The following CAP2 variants were observed in gnomAD, a reference collection of about 807,000 sequenced individuals.
The protein encoded by CAP2 is cyclase associated actin cytoskeleton regulatory protein 2.
CAP2 carries 24 observed loss-of-function variants against 57.7 expected under a neutral mutation model. The ratio of observed to expected loss-of-function variants is 0.42; its 90% CI spans 0.30 to 0.58. The LOEUF (loss-of-function observed/expected upper bound fraction) is 0.58, where lower values mean the gene tolerates loss of function less well. Ranked by LOEUF, CAP2 falls within the 20% of genes least tolerant of loss-of-function variation. CAP2 has a pLI of 0.22. For synonymous variants in CAP2, 194 were observed against 207.2 expected, an observed-to-expected ratio of 0.94 and a Z score of 0.55; for missense variants, 501 against 590.3, an observed-to-expected ratio of 0.85 and a Z score of 1.57.
At chr6:17,540,006 C>T (rs984582015) in intron 8 of CAP2, among the ~76,000 whole-genome samples, 1 of 152,158 alleles carries the variant, frequency 6.6e-6, no homozygotes, top group African/African-American at 2.4e-5. Flanking sequence ...CGCTTGAGCC[C>T]AGGAGGTGGG....
chr6:17,536,136 T>A, intron 7 of CAP2: 2 of 452,714 alleles, frequency 4.4e-6, no homozygotes. Context: ...TCTCTGTTTT[T>A]TCTTGGGACA....
intron 1 of CAP2, among the ~76,000 whole-genome samples, chr6:17,403,393 G>T (rs1269739210): frequency 1.3e-5 from 2 of 152,238 alleles, no homozygotes; most frequent in Non-Finnish European, 2.9e-5. Context: ...GTGAGCCACA[G>T]CGCCCAGCCA....
At chr6:17,417,274 ATTTT>A (rs34818674) in intron 1 of CAP2, among the ~76,000 whole-genome samples, 1 of 137,236 alleles carries the variant, frequency 7.3e-6, no homozygotes, top group Non-Finnish European at 1.6e-5. Flanking sequence ...TTTAAAACTG[ATTTT>A]TTTTTTTTTT....
At chr6:17,524,782 C>T (rs894152306) in intron 7 of CAP2, among the ~76,000 whole-genome samples, 9 of 152,032 alleles carry the variant, frequency 5.9e-5, no homozygotes, top group South Asian at 2.1e-4. Flanking sequence ...CCCATTGCAG[C>T]GAGTCTTCAG....
chr6:17,394,280 A>G (rs1202162442), intron 1 of CAP2, among the ~76,000 whole-genome samples: 1 of 151,896 alleles, frequency 6.6e-6, no homozygotes, highest in Non-Finnish European at 1.5e-5. Flanking sequence ...GCGATGAGTC[A>G]CTTCTAAAAA....
At chr6:17,398,848 C>A (rs1758737416) in intron 1 of CAP2, among the ~76,000 whole-genome samples, 1 of 152,070 alleles carries the variant, frequency 6.6e-6, no homozygotes, top group Non-Finnish European at 1.5e-5. Context: ...TTTAAGCATA[C>A]TATTCAGTGG....
intron 8 of CAP2, among the ~76,000 whole-genome samples, chr6:17,540,562 G>A (rs1762875046): frequency 6.6e-6 from 1 of 152,070 alleles, no homozygotes; most frequent in Non-Finnish European, 1.5e-5. Context: ...GACCAGCGTG[G>A]CCAACATGGT....
chr6:17,533,078 CA>C (rs58337644), intron 7 of CAP2, among the ~76,000 whole-genome samples: 59,387 of 87,434 alleles, frequency 0.68, 18,609 homozygotes, highest in East Asian at 0.88. Context: ...CACCCCCCAC[CA>C]AAAAAAAAAA....
At chr6:17,469,241 G>A (rs2113606349) in intron 4 of CAP2, among the ~76,000 whole-genome samples, 1 of 152,380 alleles carries the variant, frequency 6.6e-6, no homozygotes, top group African/African-American at 2.4e-5. Flanking sequence ...CTAACCCTGA[G>A]TAGTTTGCAG....
At chr6:17,526,080 T>C (rs1307475175) in intron 7 of CAP2, among the ~76,000 whole-genome samples, 1 of 151,886 alleles carries the variant, frequency 6.6e-6, no homozygotes, top group Non-Finnish European at 1.5e-5. Context: ...CCATTAACTA[T>C]AGATCATGTC....
Position 17,541,168 on chromosome 6 carries a change from C to T in CAP2, c.1002+20C>T. 6.3e-7 allele frequency: 1 copy of T among 1,581,230 alleles called. No homozygotes were observed. The highest frequency in any genetic ancestry group is 8.6e-7 in the Non-Finnish European group (1 of 1,157,634). ...AGAGTGGTAAGTGAAGCATTTTAACCTTTATTTTCCTGACATGCGCCAATG... is the reference window on the plus strand; with the variant it reads ...AGAGTGGTAAGTGAAGCATTTTAACTTTTATTTTCCTGACATGCGCCAATG... On this transcript the variant is annotated intron_variant, in intron 9 of 12. Coordinates refer to ENST00000229922, the MANE Select transcript of CAP2 (RefSeq NM_006366.3).
At position 17,425,387 on chromosome 6, in the gene CAP2, T is replaced by C. The variant is rs562546231; in HGVS notation, c.122-1203T>C. Among the ~76,000 whole-genome samples the C allele has an allele frequency of 1.2e-3, 189 of 152,276 alleles. 2 individuals are homozygous for C. Among genetic ancestry groups the C allele is most frequent in the African/African-American group, 3.8e-3 (156 of 41,562 alleles). On this transcript the variant is annotated intron_variant, in intron 2 of 12. Coordinates refer to ENST00000229922, the MANE Select transcript of CAP2 (RefSeq NM_006366.3). ...CAACAGGTATGGGCTCAGCAGTCAA[T>C]TTCATTCCCACTATGGTTGTCCCCC...
chr6:17,501,520 A>G (rs1761821863), intron 4 of CAP2, among the ~76,000 whole-genome samples: 1 of 152,220 alleles, frequency 6.6e-6, no homozygotes, highest in East Asian at 1.9e-4. Flanking sequence ...CACCTGATAC[A>G]GAACTACATG....
intron 4 of CAP2, among the ~76,000 whole-genome samples, chr6:17,491,334 C>T (rs980014720): frequency 6.6e-6 from 1 of 152,172 alleles, no homozygotes; most frequent in African/African-American, 2.4e-5. Flanking sequence ...TACCGCATAT[C>T]GTGGGCACCA....
chr6:17,463,088 TGA>T lies in CAP2; in HGVS notation c.300+19_300+20del. The T allele has an allele frequency of 6.3e-7, 1 of 1,591,446 alleles. No homozygotes were observed. The highest frequency in any genetic ancestry group is 1.7e-4 in the Middle Eastern group (1 of 6,016). ...AACCCCACGAGGTAAGAGAGTGTCCTGAGAGGGAAGGTGTCCCAGGGTATGCG... is the reference window on the plus strand; with the variant it reads ...AACCCCACGAGGTAAGAGAGTGTCCTGAGGGAAGGTGTCCCAGGGTATGCG... On this transcript the variant is annotated intron_variant, in intron 4 of 12. Coordinates refer to ENST00000229922, the MANE Select transcript of CAP2 (RefSeq NM_006366.3).
intron 4 of CAP2, among the ~76,000 whole-genome samples, chr6:17,506,445 G>A (rs1761987353): frequency 6.6e-6 from 1 of 152,004 alleles, no homozygotes; most frequent in South Asian, 2.1e-4. Context: ...TTGAGGTCAG[G>A]AGTTCAAGAC....
intron 6 of CAP2, among the ~76,000 whole-genome samples, chr6:17,512,396 TAA>T (rs368125572): frequency 2.1e-5 from 3 of 141,934 alleles, no homozygotes; most frequent in Admixed American, 7.1e-5. Flanking sequence ...ACCCTGTCTC[TAA>T]AAAAAAAAAA....
intron 1 of CAP2, among the ~76,000 whole-genome samples, chr6:17,412,011 C>A: frequency 6.6e-6 from 1 of 152,162 alleles, no homozygotes; most frequent in East Asian, 1.9e-4. Context: ...AGCTTCCACT[C>A]CATGACAGGG....
intron 4 of CAP2, among the ~76,000 whole-genome samples, chr6:17,502,627 ACT>A (rs1169058154): frequency 2.0e-5 from 3 of 152,010 alleles, no homozygotes; most frequent in Admixed American, 6.6e-5. Flanking sequence ...CTTCCAGAAG[ACT>A]CTGTCTCCTC....
Sources: allele counts gnomAD v4.1 joint callset (sites outside exome capture counted in the v4.1 genomes callset), GRCh38; gene constraint gnomAD v4.1.1; transcripts MANE v1.5; gene names NCBI Gene and HGNC (gene_info 2026-07-23, HGNC 2026-07-21).